The following ZNF680 variants were observed in gnomAD, a reference collection of about 807,000 sequenced individuals.
ZNF680 encodes the protein zinc finger protein 680.
In ZNF680, 6 loss-of-function variants were observed where a neutral mutation model predicts 12.1. The ratio of observed to expected loss-of-function variants is 0.49; its 90% CI spans 0.27 to 0.98. The LOEUF is 0.98. Ranked by LOEUF, ZNF680 falls within the 50% of genes least tolerant of loss-of-function variation. The probability of loss-of-function intolerance (pLI) is 0.12; values close to 1 mark genes in which losing one functional copy is unlikely to be tolerated. For missense variants in ZNF680, 561 were observed against 616.3 expected (o/e 0.91, Z 0.95); for synonymous variants, 170 against 199.3 (o/e 0.85, Z 1.24).
chr7:64,541,776 G>A (rs1195995086), intron 3 of ZNF680, among the ~76,000 whole-genome samples: 3 of 147,806 alleles, frequency 2.0e-5, no homozygotes, highest in South Asian at 4.3e-4. Context: ...GGGAGAGACC[G>A]TGCCCTTCCA....
At chr7:64,501,024 TAGAAGAGAGAAGGGCAG>T in the ZNF680 span, 1 of 707,410 alleles carries the variant, frequency 1.4e-6, no homozygotes, top group Non-Finnish European at 2.6e-6. Context: ...CCGGCTGCTG[TAGAAGAGAGAAGGGCAG>T]AATAATTGCT....
chr7:64,521,075 TG>T lies in ZNF680; in HGVS notation c.*85del. 7.3e-7 allele frequency: 1 copy of T among 1,363,678 alleles called. No individual in the cohort carries two copies. The highest frequency in any genetic ancestry group is 1.4e-5 in the South Asian group (1 of 69,266). 84.5% of individuals were successfully genotyped at this position (1,363,678 alleles called of 1,614,324 possible). ...ATAAATTATCTTACCTACAAGCAAG[TG>T]TAACAATCATTGGAAGGCTTTGTCA... On this transcript the variant is annotated 3_prime_UTR_variant, in exon 4 of 4. Transcript: ENST00000309683.
At chr7:64,553,658 G>A (rs1032224530) in intron 1 of ZNF680, among the ~76,000 whole-genome samples, 7 of 151,634 alleles carry the variant, frequency 4.6e-5, no homozygotes, top group East Asian at 3.9e-4. Context: ...CTGTACTGCC[G>A]CCATCTCGGC....
chr7:64,560,476 T>G (rs1383987402), intron 1 of ZNF680, among the ~76,000 whole-genome samples: 1 of 152,206 alleles, frequency 6.6e-6, no homozygotes, highest in East Asian at 1.9e-4. Context: ...TTTCCCTAGA[T>G]AGCTAGCATT....
intron 1 of ZNF680, among the ~76,000 whole-genome samples, chr7:64,549,648 C>T (rs191467224): frequency 6.6e-6 from 1 of 151,406 alleles, no homozygotes; most frequent in East Asian, 1.9e-4. Flanking sequence ...ATAGAGGATG[C>T]TCTAGCACAT....
At chr7:64,545,040 C>T (rs1786709158) in intron 1 of ZNF680, among the ~76,000 whole-genome samples, 1 of 152,054 alleles carries the variant, frequency 6.6e-6, no homozygotes, top group Non-Finnish European at 1.5e-5. Flanking sequence ...AGGCGGATCA[C>T]CTGAGGTCAC....
intron 2 of ZNF680, 37 bp downstream of exon 2, chr7:64,544,269 G>C: frequency 6.3e-7 from 1 of 1,584,646 alleles, no homozygotes; most frequent in East Asian, 2.3e-5. Context: ...AAAACCTTTA[G>C]GGCATATTAG....
At chr7:64,508,559 T>A in the ZNF680 span, among the ~76,000 whole-genome samples, 1 of 152,050 alleles carries the variant, frequency 6.6e-6, no homozygotes, top group Non-Finnish European at 1.5e-5. Context: ...GAATTACTAA[T>A]CAGTCACTTA....
At chr7:64,506,485 G>A in the ZNF680 span, among the ~76,000 whole-genome samples, 7 of 151,890 alleles carry the variant, frequency 4.6e-5, no homozygotes, top group Non-Finnish European at 7.4e-5. Flanking sequence ...ACCACACCCA[G>A]CCTAGTCTTT....
chr7:64,517,132 T>C (rs1421504153), downstream of ZNF680, among the ~76,000 whole-genome samples: 1 of 150,590 alleles, frequency 6.6e-6, no homozygotes, highest in Non-Finnish European at 1.5e-5. Context: ...TAAATAAGAT[T>C]AAAAAGAAAA....
chr7:64,561,934 C>CAAAAAAAAAAAAAAA (rs1187872173), intron 1 of ZNF680, among the ~76,000 whole-genome samples: 7 of 80,310 alleles, frequency 8.7e-5, no homozygotes, highest in African/African-American at 2.7e-4. Context: ...GACTCCGTCT[C>CAAAAAAAAAAAAAAA]AAAAAAAAAA....
chr7:64,539,351 C>CAAAAAAAAAAAAAAAAAAAA (rs1170166478), intron 3 of ZNF680, among the ~76,000 whole-genome samples: 1 of 48,496 alleles, frequency 2.1e-5, no homozygotes, highest in Non-Finnish European at 3.4e-5. Context: ...AACTTCGTCT[C>CAAAAAAAAAAAAAAAAAAAA]AAAAAAAAAA....
intron 3 of ZNF680, among the ~76,000 whole-genome samples, chr7:64,533,405 C>A (rs1319226623): frequency 6.6e-6 from 1 of 152,058 alleles, no homozygotes; most frequent in South Asian, 2.1e-4. Flanking sequence ...AAGAACTCAA[C>A]CCCTTTTACA....
chr7:64,544,702 T>C (rs1029030104), intron 1 of ZNF680, among the ~76,000 whole-genome samples: 2 of 152,146 alleles, frequency 1.3e-5, no homozygotes, highest in African/African-American at 4.8e-5. Context: ...TAACAGGACA[T>C]GAATACAAAC....
intron 3 of ZNF680, among the ~76,000 whole-genome samples, chr7:64,529,726 G>C (rs866548197): frequency 6.6e-6 from 1 of 152,086 alleles, no homozygotes; most frequent in Non-Finnish European, 1.5e-5. Flanking sequence ...AACACACTTG[G>C]GTTGATAACC....
At chr7:64,503,818 C>T in the ZNF680 span, among the ~76,000 whole-genome samples, 2 of 152,112 alleles carry the variant, frequency 1.3e-5, no homozygotes, top group African/African-American at 2.4e-5. Flanking sequence ...GCGTCTTATC[C>T]ACACATCACT....
chr7:64,516,648 C>T (rs1390414724), downstream of ZNF680, among the ~76,000 whole-genome samples: 2 of 152,120 alleles, frequency 1.3e-5, no homozygotes, highest in Non-Finnish European at 2.9e-5. Context: ...ACATTCTAGC[C>T]AAAAACCACA....
Position 64,520,855 on chromosome 7 carries a change from C to G in ZNF680, c.*306G>C, listed in dbSNP as rs1791491115. 1.4e-5 allele frequency: 3 copies of G among 220,376 alleles called. No individual in the cohort carries two copies. The South Asian group carries it at 2.7e-4, about 20-fold the overall frequency. 13.7% of individuals were successfully genotyped at this position (220,376 alleles called of 1,614,324 possible). ...TTATGTTTTCTGAAATTTCTTTTGA[C>G]AGTAATTGCATTTATAATGCTTTTA... On this transcript the variant is annotated 3_prime_UTR_variant, in exon 4 of 4. Coordinates refer to ENST00000309683, the MANE Select transcript of ZNF680 (RefSeq NM_178558.5).
chr7:64,522,511 T>C lies in ZNF680; in HGVS notation c.254-11A>G, dbSNP rs201093749. 4.4e-4 allele frequency: 625 copies of C among 1,420,682 alleles called. 9 individuals carry two copies. The South Asian group carries it at 0.011, about 26-fold the overall frequency. 88.0% of individuals were successfully genotyped at this position (1,420,682 alleles called of 1,614,324 possible). A position where few individuals can be genotyped will look rare whatever the true frequency, so the allele number is the denominator to read the frequency against. Reference sequence around the variant, plus strand: ...AATGAGAATATATAACTGAAAGACATAAAAGTAACAAATTACACCACTTCC... The same window carrying C: ...AATGAGAATATATAACTGAAAGACACAAAAGTAACAAATTACACCACTTCC... On this transcript the variant is annotated splice_polypyrimidine_tract_variant and intron_variant, in intron 3 of 3. Coordinates refer to ENST00000309683, the MANE Select transcript of ZNF680 (RefSeq NM_178558.5).
Sources: allele counts gnomAD v4.1 joint callset (sites outside exome capture counted in the v4.1 genomes callset), GRCh38; gene constraint gnomAD v4.1.1; transcripts MANE v1.5; gene names NCBI Gene and HGNC (gene_info 2026-07-23, HGNC 2026-07-21).